The following HS6ST3 variants were observed in gnomAD, a reference collection of about 807,000 sequenced individuals.
HS6ST3 encodes heparan sulfate 6-O-sulfotransferase 3, also known as heparan-sulfate 6-O-sulfotransferase 3.
A neutral mutation model predicts 36.7 loss-of-function variants in HS6ST3; 12 were observed. The ratio of observed to expected loss-of-function variants is 0.33; its 90% confidence interval spans 0.21 to 0.53. The LOEUF is 0.53. Among genes scored for constraint, HS6ST3 ranks in the 20% least tolerant of loss-of-function variants. HS6ST3 has a pLI of 0.95. For missense variants in HS6ST3, 584 were observed against 640.9 expected, an observed-to-expected ratio of 0.91 and a Z score of 0.96; for synonymous variants, 240 against 257.5, an observed-to-expected ratio of 0.93 and a Z score of 0.65.
chr13:96,423,578 T>C (rs974508236), intron 1 of HS6ST3, among the ~76,000 whole-genome samples: 11 of 151,316 alleles, frequency 7.3e-5, no homozygotes, highest in Non-Finnish European at 1.6e-4. Flanking sequence ...GCCATTTCGA[T>C]TTTTTCAGGA....
chr13:96,133,374 C>T lies in HS6ST3; in HGVS notation c.707+41805C>T, dbSNP rs563505770. Among the ~76,000 whole-genome samples the T allele has an allele frequency of 1.8e-3, 280 of 152,184 alleles. 1 individual carries two copies. The highest frequency in any genetic ancestry group is 6.4e-3 in the African/African-American group (265 of 41,514). On this transcript the variant is annotated intron_variant, in intron 1 of 1. Transcript: ENST00000376705. ...AACTCCTGACCTCGTGATCCGCCCG[C>T]CTCGGTCTCCCAAAGTGCTGGAATT... is the stretch of plus-strand genomic sequence containing the variant.
At chr13:96,466,773 C>G (rs2389673) in intron 1 of HS6ST3, among the ~76,000 whole-genome samples, 1 of 26,118 alleles carries the variant, frequency 3.8e-5, no homozygotes. Flanking sequence ...ATATGCAATT[C>G]TATGTCAATT....
intron 1 of HS6ST3, among the ~76,000 whole-genome samples, chr13:96,690,167 T>A (rs1224637082): frequency 1.3e-5 from 2 of 152,090 alleles, no homozygotes; most frequent in African/African-American, 2.4e-5. Context: ...CATGGATGAA[T>A]CTTTGAATGA....
intron 1 of HS6ST3, among the ~76,000 whole-genome samples, chr13:96,653,198 A>G (rs1192567222): frequency 1.3e-5 from 2 of 151,734 alleles, no homozygotes; most frequent in African/African-American, 2.4e-5. Flanking sequence ...CATGTGTTTG[A>G]TTCTTTTTAT....
chr13:96,384,861 C>T (rs2055359550), intron 1 of HS6ST3, among the ~76,000 whole-genome samples: 1 of 152,102 alleles, frequency 6.6e-6, no homozygotes, highest in South Asian at 2.1e-4. Context: ...TTGCTTCAGA[C>T]TTGTATGATT....
At chr13:96,380,501 G>C (rs567001885) in intron 1 of HS6ST3, among the ~76,000 whole-genome samples, 1 of 152,034 alleles carries the variant, frequency 6.6e-6, no homozygotes, top group Non-Finnish European at 1.5e-5. Flanking sequence ...ACTGACCTCA[G>C]GTGATCCACC....
chr13:96,230,980 G>A (rs529071595), intron 1 of HS6ST3, among the ~76,000 whole-genome samples: 1 of 152,192 alleles, frequency 6.6e-6, no homozygotes, highest in African/African-American at 2.4e-5. Context: ...AAGTTAAGGC[G>A]GCTCCCACCT....
chr13:96,823,537 T>G (rs1414583392), intron 1 of HS6ST3, among the ~76,000 whole-genome samples: 1 of 152,202 alleles, frequency 6.6e-6, no homozygotes, highest in Non-Finnish European at 1.5e-5. Flanking sequence ...GTAAACATAT[T>G]TATAACTTTA....
At chr13:96,704,851 A>C (rs971674780) in intron 1 of HS6ST3, among the ~76,000 whole-genome samples, 1 of 152,216 alleles carries the variant, frequency 6.6e-6, no homozygotes, top group African/African-American at 2.4e-5. Context: ...GCAGCTGTTA[A>C]GGGTCCAAGT....
Position 96,325,671 on chromosome 13 carries a change from C to A in HS6ST3, c.707+234102C>A, listed in dbSNP as rs80182706. 1.4e-3 allele frequency among the ~76,000 whole-genome samples: 210 copies of A among 152,242 alleles called. 8 individuals carry two copies. The East Asian group carries it at 0.037, about 27-fold the overall frequency. On this transcript the variant is annotated intron_variant, in intron 1 of 1. Transcript: ENST00000376705. ...CCTTGGGAGTTCTGGAACCATCCCT[C>A]ATGGGTACTGAAGGACAACTGTAAT... is the stretch of plus-strand genomic sequence containing the variant.
At chr13:96,114,438 C>T (rs1180499801) in intron 1 of HS6ST3, among the ~76,000 whole-genome samples, 3 of 152,212 alleles carry the variant, frequency 2.0e-5, no homozygotes, top group African/African-American at 7.2e-5. Flanking sequence ...GGATGACCCA[C>T]CGTTCCTGGC....
chr13:96,338,667 C>T (rs115131968), intron 1 of HS6ST3, among the ~76,000 whole-genome samples: 222 of 152,300 alleles, frequency 1.5e-3, no homozygotes, highest in African/African-American at 4.5e-3. Context: ...TTCAGGACTT[C>T]CTCCTGCCAG....
At chr13:96,301,934 A>G (rs2054884915) in intron 1 of HS6ST3, among the ~76,000 whole-genome samples, 1 of 146,406 alleles carries the variant, frequency 6.8e-6, no homozygotes, top group African/African-American at 2.5e-5. Flanking sequence ...TAATAATAAT[A>G]ATAATAATAA....
At chr13:96,457,543 C>T (rs1369674533) in intron 1 of HS6ST3, among the ~76,000 whole-genome samples, 1 of 152,020 alleles carries the variant, frequency 6.6e-6, no homozygotes, top group Non-Finnish European at 1.5e-5. Context: ...AATGGAATTG[C>T]TTCTTAATTA....
chr13:96,123,168 G>T (rs1359894691), intron 1 of HS6ST3, among the ~76,000 whole-genome samples: 1 of 152,124 alleles, frequency 6.6e-6, no homozygotes, highest in East Asian at 1.9e-4. Flanking sequence ...TGTTTCACAA[G>T]CTACTTGCTA....
intron 1 of HS6ST3, among the ~76,000 whole-genome samples, chr13:96,596,182 A>G (rs1181719560): frequency 6.6e-6 from 1 of 152,126 alleles, no homozygotes; most frequent in Non-Finnish European, 1.5e-5. Context: ...TCATTTATAC[A>G]TAAGAACATA....
In HS6ST3 at chr13:96,349,457, G is replaced by A. The variant is rs11842002; in HGVS notation, c.707+257888G>A. Among the ~76,000 whole-genome samples, 1,221 of 152,052 alleles carry A rather than the reference G, an allele frequency of 8.0e-3. 20 individuals carry two copies. The highest frequency in any genetic ancestry group is 0.028 in the African/African-American group (1,158 of 41,492). On this transcript the variant is annotated intron_variant, in intron 1 of 1. Transcript: ENST00000376705. ...AAACAATTCTCTCCAAAAGTGCTGC[G>A]TCACATTTTCAAAAATTGAAATAGA...
At chr13:96,411,758 G>A (rs1422655256) in intron 1 of HS6ST3, among the ~76,000 whole-genome samples, 1 of 152,206 alleles carries the variant, frequency 6.6e-6, no homozygotes, top group East Asian at 1.9e-4. Flanking sequence ...GTGAACAAAG[G>A]AAGTGTCAAT....
At chr13:96,824,316 C>T (rs1420433912) in intron 1 of HS6ST3, among the ~76,000 whole-genome samples, 2 of 152,244 alleles carry the variant, frequency 1.3e-5, no homozygotes, top group Non-Finnish European at 2.9e-5. Context: ...CCATTTCCTC[C>T]TCCTCATGTT....
Sources: gnomAD v4.1 joint callset for allele counts (sites outside exome capture counted in the v4.1 genomes callset) on GRCh38, gnomAD v4.1.1 for gene constraint, MANE v1.5 for transcripts, NCBI Gene and HGNC (gene_info 2026-07-23, HGNC 2026-07-21) for gene names.